EIF4G3: variants seen among roughly 807,000 people sequenced by gnomAD.
EIF4G3 encodes eukaryotic translation initiation factor 4 gamma 3, also known as eIF-4-gamma 3.
EIF4G3 carries 34 observed loss-of-function variants against 186.4 expected under a neutral mutation model. That is an observed-to-expected ratio of 0.18 (90% CI 0.14 to 0.24). The LOEUF is 0.24. Among genes scored for constraint, EIF4G3 ranks in the 10% least tolerant of loss-of-function variants. The pLI is 1.00. For synonymous variants in EIF4G3, 673 were observed against 679.5 expected, an observed-to-expected ratio of 0.99 and a Z score of 0.15; for missense variants, 1,536 against 1,948.5, an observed-to-expected ratio of 0.79 and a Z score of 3.99.
intron 2 of EIF4G3, among the ~76,000 whole-genome samples, chr1:21,147,325 AGTTT>A (rs916795212): frequency 3.3e-5 from 5 of 152,088 alleles, no homozygotes; most frequent in Admixed American, 1.3e-4. Flanking sequence ...TGTTTTGCTA[AGTTT>A]GTTTGTTTTT....
intron 2 of EIF4G3, among the ~76,000 whole-genome samples, chr1:21,118,352 G>A (rs1293474301): frequency 6.6e-6 from 1 of 152,136 alleles, no homozygotes; most frequent in East Asian, 1.9e-4. Context: ...TGCAATTAAC[G>A]AAAGAAACTG....
chr1:21,031,234 GC>G (rs2092715882), intron 4 of EIF4G3, among the ~76,000 whole-genome samples: 1 of 151,792 alleles, frequency 6.6e-6, no homozygotes, highest in African/African-American at 2.4e-5. Flanking sequence ...AGATCCAGGA[GC>G]CCACAGGCAA....
At chr1:21,008,630 C>T (rs901996985) in intron 4 of EIF4G3, among the ~76,000 whole-genome samples, 4 of 152,150 alleles carry the variant, frequency 2.6e-5, no homozygotes, top group Non-Finnish European at 5.9e-5. Flanking sequence ...TGAGCCACTG[C>T]GCCCTGGCTA....
intron 7 of EIF4G3, among the ~76,000 whole-genome samples, chr1:20,982,940 T>C (rs2078623981): frequency 6.6e-6 from 1 of 152,168 alleles, no homozygotes; most frequent in South Asian, 2.1e-4. Flanking sequence ...AGCTCTAAAA[T>C]GGAGAACTAT....
intron 2 of EIF4G3, among the ~76,000 whole-genome samples, chr1:21,132,587 A>G (rs1203146205): frequency 6.6e-6 from 1 of 151,954 alleles, no homozygotes. Context: ...CCACAGGCAT[A>G]TGCCACCACA....
intron 14 of EIF4G3, among the ~76,000 whole-genome samples, chr1:20,935,596 G>A (rs1401746150): frequency 6.6e-6 from 1 of 151,932 alleles, no homozygotes; most frequent in Non-Finnish European, 1.5e-5. Flanking sequence ...GTATTTGTGG[G>A]GTACATGTGA....
chr1:21,036,051 C>T (rs2093170026), intron 4 of EIF4G3, among the ~76,000 whole-genome samples: 1 of 151,428 alleles, frequency 6.6e-6, no homozygotes, highest in Non-Finnish European at 1.5e-5. Flanking sequence ...AATGACCTGC[C>T]TACAGAGAGA....
chr1:21,065,354 T>C (rs1021497749), intron 3 of EIF4G3, among the ~76,000 whole-genome samples: 4 of 140,626 alleles, frequency 2.8e-5, no homozygotes, highest in Non-Finnish European at 6.1e-5. Flanking sequence ...GGCATCCAAG[T>C]AGGCTAAACA....
intron 14 of EIF4G3, among the ~76,000 whole-genome samples, chr1:20,905,655 ATTC>A (rs1220934851): frequency 1.6e-4 from 25 of 152,326 alleles, no homozygotes; most frequent in African/African-American, 6.0e-4. Flanking sequence ...GCTTTAAAAA[ATTC>A]ATCTGGCTTA....
chr1:20,990,224 CTT>C (rs1374500498), intron 7 of EIF4G3, among the ~76,000 whole-genome samples: 2 of 151,664 alleles, frequency 1.3e-5, no homozygotes, highest in African/African-American at 4.8e-5. Context: ...ATGTGACAAA[CTT>C]TGTCTTATTT....
chr1:21,002,867 A>G, intron 4 of EIF4G3, 59 bp from the exon 5 acceptor site: 2 of 960,768 alleles, frequency 2.1e-6, no homozygotes, highest in South Asian at 3.1e-5. Context: ...TGGCAATTCT[A>G]GTTCAAGATG....
intron 4 of EIF4G3, among the ~76,000 whole-genome samples, chr1:21,045,795 TAA>T (rs1187693971): frequency 6.9e-6 from 1 of 145,838 alleles, no homozygotes; most frequent in African/African-American, 2.5e-5. Context: ...AAACTTCTCT[TAA>T]AAAAAAAAAC....
intron 12 of EIF4G3, among the ~76,000 whole-genome samples, chr1:20,964,398 T>C (rs1228439400): frequency 6.6e-6 from 1 of 152,310 alleles, no homozygotes; most frequent in Non-Finnish European, 1.5e-5. Flanking sequence ...CCAATGTGTA[T>C]ATACAGGGAA....
chr1:21,108,902 C>CAAAAAAAA, intron 2 of EIF4G3, among the ~76,000 whole-genome samples: 2 of 33,218 alleles, frequency 6.0e-5, no homozygotes, highest in African/African-American at 1.0e-4. Context: ...GACTCCATCT[C>CAAAAAAAA]AAAAAAAAAA....
At chr1:21,100,552 G>A (rs1052754019) in intron 2 of EIF4G3, among the ~76,000 whole-genome samples, 10 of 151,996 alleles carry the variant, frequency 6.6e-5, no homozygotes, top group Non-Finnish European at 1.5e-4. Context: ...ATCATGATCC[G>A]GTTCAATAGA....
intron 2 of EIF4G3, among the ~76,000 whole-genome samples, chr1:21,132,985 T>A (rs1026407244): frequency 6.6e-6 from 1 of 151,746 alleles, no homozygotes. Context: ...GATTTCACCA[T>A]GTTGTCCAGG....
chr1:21,101,353 A>G (rs980392283), intron 2 of EIF4G3, among the ~76,000 whole-genome samples: 1 of 151,916 alleles, frequency 6.6e-6, no homozygotes, highest in Non-Finnish European at 1.5e-5. Flanking sequence ...AGATCACTTG[A>G]GGTCAGGAGT....
At chr1:21,143,439 T>C (rs1338674304) in intron 2 of EIF4G3, among the ~76,000 whole-genome samples, 1 of 151,970 alleles carries the variant, frequency 6.6e-6, no homozygotes, top group Non-Finnish European at 1.5e-5. Flanking sequence ...TATAAAACAG[T>C]ATACAACATT....
At chr1:21,117,736 T>TAAAAAACAAAAAAAAAAAAAAAAAAAA (rs2096850289) in intron 2 of EIF4G3, among the ~76,000 whole-genome samples, 1 of 73,088 alleles carries the variant, frequency 1.4e-5, no homozygotes, top group Non-Finnish European at 2.6e-5. Context: ...CAGTATATAG[T>TAAAAAACAAAAAAAAAAAAAAAAAAAA]AAAAAAAAAA....
Sources: gnomAD v4.1 joint callset for allele counts (sites outside exome capture counted in the v4.1 genomes callset) on GRCh38, gnomAD v4.1.1 for gene constraint, MANE v1.5 for transcripts, NCBI Gene and HGNC (gene_info 2026-07-23, HGNC 2026-07-21) for gene names.